MEIS2: variants seen among roughly 807,000 people sequenced by gnomAD.
The protein encoded by MEIS2 is homeobox protein Meis2.
In MEIS2, 9 loss-of-function variants were observed where a neutral mutation model predicts 58.6. The ratio of observed to expected loss-of-function variants is 0.15; its 90% CI spans 0.09 to 0.27. MEIS2 has a LOEUF of 0.27. Ranked by LOEUF, MEIS2 falls within the 10% of genes least tolerant of loss-of-function variation. The probability of loss-of-function intolerance (pLI) is 1.00; values close to 1 mark genes in which losing one functional copy is unlikely to be tolerated. For synonymous variants in MEIS2, 221 were observed against 228.4 expected (o/e 0.97, Z 0.29); for missense variants, 427 against 635.0 (o/e 0.67, Z 3.52).
intron 9 of MEIS2, among the ~76,000 whole-genome samples, chr15:36,918,413 ATG>A (rs34532681): frequency 0.36 from 54,265 of 152,048 alleles, 11,323 homozygotes; most frequent in Non-Finnish European, 0.49. Flanking sequence ...TGAAGATGCA[ATG>A]TGAAGTCCAA....
At chr15:36,920,060 C>T (rs78616775) in intron 9 of MEIS2, among the ~76,000 whole-genome samples, 24,260 of 152,104 alleles carry the variant, frequency 0.16, 2,701 homozygotes, top group East Asian at 0.4. Flanking sequence ...ATAAGAAAAA[C>T]AAGAAGAAAT....
intron 8 of MEIS2, among the ~76,000 whole-genome samples, chr15:36,978,998 A>AT (rs1015478760): frequency 6.6e-6 from 1 of 152,128 alleles, no homozygotes; most frequent in Admixed American, 6.5e-5. Context: ...AAAAGTATGC[A>AT]TTTTTTTAAA....
At chr15:37,046,041 T>A (rs2062655832) in intron 7 of MEIS2, among the ~76,000 whole-genome samples, 1 of 152,224 alleles carries the variant, frequency 6.6e-6, no homozygotes, top group South Asian at 2.1e-4. Flanking sequence ...TCAGGCGGTA[T>A]AAGCAGCATT....
intron 9 of MEIS2, among the ~76,000 whole-genome samples, chr15:36,923,918 G>A (rs1431174908): frequency 6.6e-6 from 1 of 152,202 alleles, no homozygotes; most frequent in African/African-American, 2.4e-5. Context: ...AGAATTCAGT[G>A]AAACGTAAGC....
intron 9 of MEIS2, among the ~76,000 whole-genome samples, chr15:36,911,034 G>C (rs1179705462): frequency 7.7e-6 from 1 of 129,914 alleles, no homozygotes; most frequent in Non-Finnish European, 1.6e-5. Context: ...GACAGAGCGC[G>C]ACTCTGTCTC....
At chr15:37,088,685 T>C (rs1265439922) in intron 6 of MEIS2, among the ~76,000 whole-genome samples, 1 of 152,122 alleles carries the variant, frequency 6.6e-6, no homozygotes, top group African/African-American at 2.4e-5. Context: ...CTTCTACCTC[T>C]CTATTAAGCT....
In MEIS2 at chr15:36,925,158, GA is replaced by G. The variant is rs1416644165; in HGVS notation, c.977+25165del. ...CAAAAACAAAAACAAAACAGGAACA[GA>G]AAGAAAAAGAGAAAAAGAAAAGTAA... On this transcript the variant is annotated intron_variant, in intron 9 of 11. Coordinates refer to ENST00000561208, the MANE Select transcript of MEIS2 (RefSeq NM_170675.5). 2.6e-5 allele frequency among the ~76,000 whole-genome samples: 4 copies of G among 152,078 alleles called. No individual in the cohort carries two copies. In the East Asian group the frequency reaches 7.7e-4, roughly 29 times the overall value.
intron 7 of MEIS2, among the ~76,000 whole-genome samples, chr15:37,057,136 C>T (rs1029516708): frequency 6.6e-6 from 1 of 152,126 alleles, no homozygotes; most frequent in African/African-American, 2.4e-5. Flanking sequence ...GGAAGATTAC[C>T]GAATTGATGG....
At chr15:36,980,156 T>G (rs970328508) in intron 8 of MEIS2, among the ~76,000 whole-genome samples, 1 of 152,102 alleles carries the variant, frequency 6.6e-6, no homozygotes, top group Non-Finnish European at 1.5e-5. Context: ...AACCCCTACT[T>G]AGTCACATGT....
At chr15:36,894,875 T>C in intron 11 of MEIS2, 1 of 1,345,716 alleles carries the variant, frequency 7.4e-7, no homozygotes, top group South Asian at 1.2e-5. Flanking sequence ...GGTGAAAAAA[T>C]AGAAGGAAAC....
chr15:37,094,632 C>G, intron 4 of MEIS2, 55 bp from the exon 5 acceptor site: 1 of 1,546,498 alleles, frequency 6.5e-7, no homozygotes, highest in Non-Finnish European at 8.9e-7. Context: ...GAGGTCCTGT[C>G]TTGGGGTTGG....
chr15:36,991,075 G>C (rs1166943329), intron 8 of MEIS2, among the ~76,000 whole-genome samples: 1 of 152,028 alleles, frequency 6.6e-6, no homozygotes, highest in Non-Finnish European at 1.5e-5. Flanking sequence ...TTTAACATTT[G>C]AGTATGTCAA....
rs1485235667 is a variant in MEIS2, at chr15:37,083,889, A to T, written c.640-4T>A. On this transcript the variant is annotated splice_region_variant and splice_polypyrimidine_tract_variant and intron_variant, in intron 6 of 11. Transcript: ENST00000561208. ...GGTCTCGCCAAGAAGAAGGGTTCTG[A>T]TGTCAGGATACCAAGGAATTTTTCC... is the stretch of plus-strand genomic sequence containing the variant. The T allele has an allele frequency of 5.0e-6, 8 of 1,612,226 alleles. No homozygotes were observed. Among genetic ancestry groups the T allele is most frequent in the Non-Finnish European group, 6.8e-6 (8 of 1,179,158 alleles).
At chr15:36,962,311 T>G (rs1326412212) in intron 8 of MEIS2, among the ~76,000 whole-genome samples, 1 of 152,210 alleles carries the variant, frequency 6.6e-6, no homozygotes, top group African/African-American at 2.4e-5. Flanking sequence ...CCATAGAGTA[T>G]GATGCTTTTT....
intron 8 of MEIS2, among the ~76,000 whole-genome samples, chr15:36,950,841 T>C (rs1304746101): frequency 6.6e-6 from 1 of 152,118 alleles, no homozygotes; most frequent in South Asian, 2.1e-4. Flanking sequence ...CTAGTTAAAT[T>C]TGAGATTATT....
In MEIS2 at chr15:36,901,308, T is replaced by A. The variant is rs185941732; in HGVS notation, c.978-4622A>T. ...GTCACTTATCAAATTTCTCCATGTT[T>A]TCTTACTTTACAAAAAAAGCAAGTA... On this transcript the variant is annotated intron_variant, in intron 9 of 11. Transcript: ENST00000561208. Among the ~76,000 whole-genome samples the A allele has an allele frequency of 2.5e-3, 381 of 152,328 alleles. 9 individuals carry two copies. Among genetic ancestry groups the A allele is most frequent in the Non-Finnish European group, 9.0e-4 (61 of 68,034 alleles).
intron 9 of MEIS2, among the ~76,000 whole-genome samples, chr15:36,899,862 G>C (rs912241638): frequency 2.0e-5 from 3 of 152,162 alleles, no homozygotes; most frequent in Non-Finnish European, 4.4e-5. Context: ...TTTCACACGG[G>C]TTTAAAAAAT....
intron 7 of MEIS2, among the ~76,000 whole-genome samples, chr15:37,067,319 T>C (rs1427034261): frequency 6.6e-6 from 1 of 152,022 alleles, no homozygotes; most frequent in African/African-American, 2.4e-5. Flanking sequence ...AACTAATTTT[T>C]AACAGATGGT....
chr15:36,918,324 T>C (rs2057363528), intron 9 of MEIS2, among the ~76,000 whole-genome samples: 1 of 152,216 alleles, frequency 6.6e-6, no homozygotes, highest in Non-Finnish European at 1.5e-5. Flanking sequence ...TTTGGACAAG[T>C]TCTTTAACTT....
Sources: allele counts gnomAD v4.1 joint callset (sites outside exome capture counted in the v4.1 genomes callset), GRCh38; gene constraint gnomAD v4.1.1; transcripts MANE v1.5; gene names NCBI Gene and HGNC (gene_info 2026-07-23, HGNC 2026-07-21).